Variants in ADAR observed in about 807,000 individuals in gnomAD.
ADAR encodes adenosine deaminase RNA specific, also known as double-stranded RNA-specific adenosine deaminase.
In ADAR, 41 loss-of-function variants were observed where a neutral mutation model predicts 113.2. The ratio of observed to expected loss-of-function variants is 0.36; its 90% confidence interval spans 0.28 to 0.47. ADAR has a LOEUF of 0.47. Among genes scored for constraint, ADAR ranks in the 20% least tolerant of loss-of-function variants. The pLI is 1.00. For synonymous variants in ADAR, 605 were observed against 572.6 expected (o/e 1.06, Z -0.81); for missense variants, 1,242 against 1,540.9 (o/e 0.81, Z 3.25).
At chr1:154,618,179 T>C (rs1698687599) in intron 1 of ADAR, among the ~76,000 whole-genome samples, 1 of 151,116 alleles carries the variant, frequency 6.6e-6, no homozygotes, top group Non-Finnish European at 1.5e-5. Context: ...AAGAATACCA[T>C]ATTCTTAATA....
At chr1:154,594,771 T>C (rs777039800) in intron 6 of ADAR, among the ~76,000 whole-genome samples, 3 of 152,238 alleles carry the variant, frequency 2.0e-5, no homozygotes, top group Admixed American at 6.5e-5. Context: ...TATTAAATGT[T>C]TACTTCTGAG....
chr1:154,591,620 C>T (rs548326068), intron 6 of ADAR, among the ~76,000 whole-genome samples: 2 of 152,346 alleles, frequency 1.3e-5, no homozygotes, highest in South Asian at 4.1e-4. Context: ...TGGAAATGTA[C>T]CAGACAAGGC....
intron 1 of ADAR, among the ~76,000 whole-genome samples, chr1:154,605,006 T>G (rs138808139): frequency 6.6e-6 from 1 of 152,330 alleles, no homozygotes; most frequent in East Asian, 1.9e-4. Context: ...CTCCTGTAGT[T>G]CTTATTGCTA....
chr1:154,621,726 G>T (rs1465066580), intron 1 of ADAR, among the ~76,000 whole-genome samples: 1 of 152,156 alleles, frequency 6.6e-6, no homozygotes, highest in Non-Finnish European at 1.5e-5. Context: ...GGTAGGGTGA[G>T]GGAGAGGCAC....
rs1407383203 is a variant in ADAR at position 154,608,009 on chromosome 1, C to A, written c.-3G>T. ...CGGCTTACCTGCCGCGGATTCATTG[C>A]GCCCGCGAGGCATTGCCCGGCCCGA... On this transcript the variant is annotated 5_prime_UTR_variant, in exon 1 of 15. Coordinates refer to ENST00000368474, the MANE Select transcript of ADAR (RefSeq NM_001111.5). 1 of 1,601,824 alleles carries A rather than the reference C, an allele frequency of 6.2e-7. No individual in the cohort carries two copies. Among genetic ancestry groups the A allele is most frequent in the Admixed American group, 1.7e-5 (1 of 58,844 alleles).
intron 1 of ADAR, among the ~76,000 whole-genome samples, chr1:154,616,236 TA>T (rs1180443589): frequency 6.6e-6 from 1 of 152,228 alleles, no homozygotes; most frequent in Non-Finnish European, 1.5e-5. Flanking sequence ...GCATATCAAA[TA>T]TTTACATTAT....
chr1:154,584,725 A>G lies in ADAR; in HGVS notation c.*81T>C, dbSNP rs1696630502. 1 of 1,226,638 alleles carries G rather than the reference A, an allele frequency of 8.2e-7. No homozygotes were observed. The highest frequency in any genetic ancestry group is 1.2e-6 in the Non-Finnish European group (1 of 844,900). The allele number at this position is 1,226,638 out of a possible 1,614,324, so 76.0% of individuals were successfully genotyped here. On this transcript the variant is annotated 3_prime_UTR_variant, in exon 15 of 15. Transcript: ENST00000368474. The stretch of plus-strand genomic sequence containing the variant: ...AAAAAGGAGAAAAAAAAATCCCCTG[A>G]CCATGTGATGAGGAATGCTACGACC...
chr1:154,598,408 T>C lies in ADAR; in HGVS notation c.1779A>G (p.Ser593=), dbSNP rs1231016583. Residue 593 remains serine (S), a synonymous_variant, in exon 3 of 15, where the codon TCA becomes TCG. Transcript: ENST00000368474. ...ESSHYSTEKE[S]EKTAESQTPT... The stretch of plus-strand genomic sequence containing the variant: ...ATGGCAGGAGGACACCTACCTTCTC[T>C]GATTCTTTCTCTGTGGAATAGTGGG... The C allele has an allele frequency of 3.1e-6, 5 of 1,614,200 alleles. No individual in the cohort carries two copies. The highest frequency in any genetic ancestry group is 4.2e-6 in the Non-Finnish European group (5 of 1,180,020).
rs557801982 is a variant in ADAR, at chr1:154,588,267, CAG to C, written c.2886-11_2886-10del. On this transcript the variant is annotated splice_polypyrimidine_tract_variant and intron_variant, in intron 10 of 14. Transcript: ENST00000368474. ...CTCCACACGGAGCAGTGCTGAAAAA[CAG>C]GGGTGGCTGTTAAAACTCACCTGTG... 2.8e-4 allele frequency: 445 copies of C among 1,614,124 alleles called. 1 individual carries two copies. The African/African-American group carries it at 4.5e-3, about 16-fold the overall frequency.
chr1:154,618,938 C>A (rs946294991), intron 1 of ADAR, among the ~76,000 whole-genome samples: 1 of 152,086 alleles, frequency 6.6e-6, no homozygotes, highest in Non-Finnish European at 1.5e-5. Context: ...GGCGAAACCC[C>A]GTCTCTACTA....
chr1:154,617,991 T>C (rs548932361), intron 1 of ADAR, among the ~76,000 whole-genome samples: 26 of 151,692 alleles, frequency 1.7e-4, no homozygotes, highest in African/African-American at 6.0e-4. Context: ...AGGAATATGG[T>C]TGAATATAAG....
rs770224427 is a variant in ADAR, at chr1:154,601,065, T to C, written c.1577A>G (p.Gln526Arg). Reference protein sequence around the residue: ...SQTCEFNMIEQSGPPHEPRFK... With the variant: ...SQTCEFNMIERSGPPHEPRFK... ...CCGAGGTTCATGGGGTGGTCCACTC[T>C]GCTCTATCATGTTGAACTCACAGGT... The change falls in exon 2 of 15, where the codon CAG becomes CGG. Residue 526 changes from glutamine to arginine, a missense_variant. This residue lies in a region of ADAR where 780 missense variants were observed against 1,057.9 expected (regional missense o/e 0.74). Coordinates refer to ENST00000368474, the MANE Select transcript of ADAR (RefSeq NM_001111.5). The surrounding 1 kb of genome is among the most constrained non-coding windows in gnomAD (Gnocchi z 4.7). The C allele has an allele frequency of 8.1e-5, 131 of 1,614,106 alleles. No individual in the cohort carries two copies. The South Asian group carries it at 1.3e-3, about 16-fold the overall frequency.
chr1:154,608,841 G>A (rs1188161351), upstream of ADAR: 2 of 145,580 alleles, frequency 1.4e-5, no homozygotes, highest in Admixed American at 6.9e-5. Context: ...GGGGGGGGAG[G>A]GGATGGGCGG....
At chr1:154,620,727 G>A (rs183731729) in intron 1 of ADAR, among the ~76,000 whole-genome samples, 144 of 152,310 alleles carry the variant, frequency 9.5e-4, no homozygotes, top group African/African-American at 3.2e-3. Flanking sequence ...GCCTTTGGGG[G>A]TAGTGGTGAC....
chr1:154,620,423 A>G (rs1484448823), intron 1 of ADAR, among the ~76,000 whole-genome samples: 1 of 152,118 alleles, frequency 6.6e-6, no homozygotes, highest in African/African-American at 2.4e-5. Flanking sequence ...AAAACAAACA[A>G]TGGTTTAAGA....
intron 5 of ADAR, 59 bp downstream of exon 5, chr1:154,597,063 AT>A: frequency 6.2e-7 from 1 of 1,614,132 alleles, no homozygotes; most frequent in South Asian, 1.1e-5. Flanking sequence ...GTCACTGGCA[AT>A]CTTAAACCAC....
intron 1 of ADAR, among the ~76,000 whole-genome samples, chr1:154,619,374 T>C (rs752202465): frequency 6.6e-6 from 1 of 152,092 alleles, no homozygotes; most frequent in Non-Finnish European, 1.5e-5. Context: ...TGGGAATAAG[T>C]GATGTCCAGA....
Position 154,601,404 on chromosome 1 carries a change from T to C in ADAR, c.1238A>G (p.Gln413Arg). ...MVTTEKVENG[Q>R]EPVIKLENRQ... ...GTTTTCTAACTTTATGACAGGTTCCTGCCCATTCTCCACTTTTTCTGTGGT... is the reference window on the plus strand; with the variant it reads ...GTTTTCTAACTTTATGACAGGTTCCCGCCCATTCTCCACTTTTTCTGTGGT... Residue 413 changes from glutamine (Q) to arginine (R), a missense_variant, in exon 2 of 15, where the codon CAG becomes CGG. By Grantham distance (43) the Gln-to-Arg change is conservative (BLOSUM62 1). Transcript: ENST00000368474. The surrounding 1 kb of genome is among the most constrained non-coding windows in gnomAD (Gnocchi z 4.7). The C allele has an allele frequency of 1.2e-6, 2 of 1,614,252 alleles. No homozygotes were observed. The highest frequency in any genetic ancestry group is 1.7e-5 in the Admixed American group (1 of 60,030).
upstream of ADAR, among the ~76,000 whole-genome samples, chr1:154,612,584 C>T (rs1291311573): frequency 1.3e-5 from 2 of 151,920 alleles, no homozygotes; most frequent in Non-Finnish European, 2.9e-5. Context: ...GTCTTGGCCT[C>T]CCAAAGTGCT....
Sources: gnomAD v4.1 joint callset for allele counts (sites outside exome capture counted in the v4.1 genomes callset) on GRCh38, gnomAD v4.1.1 for gene constraint, gnomAD v4.1.1 regional missense constraint, Gnocchi (gnomAD v3.1) non-coding constraint, MANE v1.5 for transcripts, NCBI Gene and HGNC (gene_info 2026-07-23, HGNC 2026-07-21) for gene names.